The following PHF21B variants were observed in gnomAD, a reference collection of about 807,000 sequenced individuals.
The protein encoded by PHF21B is PHD finger protein 4.
A neutral mutation model predicts 62.2 loss-of-function variants in PHF21B; 22 were observed. That is an observed-to-expected ratio of 0.35 (90% confidence interval 0.25 to 0.51). The LOEUF is 0.51. Among genes scored for constraint, PHF21B ranks in the 20% least tolerant of loss-of-function variants. The pLI, the probability that PHF21B is intolerant of heterozygous loss-of-function variation, is 0.97. For synonymous variants in PHF21B, 341 were observed against 314.7 expected (o/e 1.08, Z -0.88); for missense variants, 701 against 707.9 (o/e 0.99, Z 0.11).
intron 2 of PHF21B, among the ~76,000 whole-genome samples, chr22:44,955,118 A>C (rs1473150846): frequency 6.6e-6 from 1 of 152,184 alleles, no homozygotes; most frequent in Admixed American, 6.5e-5. Flanking sequence ...GTTAAGAAGA[A>C]GTCAGCGGTC....
intron 5 of PHF21B, among the ~76,000 whole-genome samples, chr22:44,909,562 C>T (rs2071309732): frequency 1.3e-5 from 2 of 152,246 alleles, no homozygotes; most frequent in South Asian, 2.1e-4. Flanking sequence ...CATTCTTCTG[C>T]TCAAAGATAT....
chr22:44,999,669 T>A (rs747995347), intron 2 of PHF21B, among the ~76,000 whole-genome samples: 4 of 152,040 alleles, frequency 2.6e-5, no homozygotes, highest in African/African-American at 7.2e-5. Context: ...ATTGGTGCCA[T>A]TACGCTGTCA....
At chr22:44,917,019 C>T (rs760406586) in intron 3 of PHF21B, among the ~76,000 whole-genome samples, 1 of 152,230 alleles carries the variant, frequency 6.6e-6, no homozygotes, top group Non-Finnish European at 1.5e-5. Context: ...GAAAGCGCTG[C>T]CCCTCGGCAG....
chr22:44,896,690 C>T (rs760359706), intron 5 of PHF21B, among the ~76,000 whole-genome samples: 6 of 152,134 alleles, frequency 3.9e-5, no homozygotes, highest in Non-Finnish European at 5.9e-5. Context: ...CCATAAGTTG[C>T]ATCTCTTCTG....
At chr22:44,952,522 G>C (rs1032351285) in intron 2 of PHF21B, among the ~76,000 whole-genome samples, 1 of 152,196 alleles carries the variant, frequency 6.6e-6, no homozygotes, top group Non-Finnish European at 1.5e-5. Flanking sequence ...CGAAGAAAAA[G>C]TCAAGTTCCA....
intron 2 of PHF21B, among the ~76,000 whole-genome samples, chr22:44,996,717 T>C (rs936051834): frequency 3.3e-5 from 5 of 151,238 alleles, no homozygotes; most frequent in African/African-American, 9.7e-5. Flanking sequence ...TGCAGACATA[T>C]ACACATGCAT....
chr22:44,972,212 G>C (rs1374713748), intron 2 of PHF21B, among the ~76,000 whole-genome samples: 1 of 152,244 alleles, frequency 6.6e-6, no homozygotes, highest in African/African-American at 2.4e-5. Flanking sequence ...TCTTACCAGA[G>C]ACATGACTCA....
At chr22:44,978,925 C>G (rs1014474041) in intron 2 of PHF21B, among the ~76,000 whole-genome samples, 3 of 152,226 alleles carry the variant, frequency 2.0e-5, no homozygotes, top group Admixed American at 2.0e-4. Flanking sequence ...CCAGGTGAGG[C>G]AGGCCCACTG....
At chr22:44,885,585 G>T in intron 11 of PHF21B, 56 bp from the exon 12 acceptor site, 1 of 1,498,482 alleles carries the variant, frequency 6.7e-7, no homozygotes. Flanking sequence ...CGGCTGGGTC[G>T]TAGAGTAAAT....
intron 2 of PHF21B, among the ~76,000 whole-genome samples, chr22:44,943,173 G>A (rs1003010126): frequency 2.6e-5 from 4 of 152,084 alleles, no homozygotes; most frequent in Admixed American, 6.5e-5. Context: ...TGTGGCCTTC[G>A]TGCCAGCACC....
At chr22:44,982,026 G>GT (rs2072851433) in intron 2 of PHF21B, among the ~76,000 whole-genome samples, 1 of 152,246 alleles carries the variant, frequency 6.6e-6, no homozygotes, top group Admixed American at 6.5e-5. Context: ...GGCAAATGCG[G>GT]TTTCCCCATC....
chr22:44,952,659 C>T (rs144874000), intron 2 of PHF21B, among the ~76,000 whole-genome samples: 18 of 152,282 alleles, frequency 1.2e-4, no homozygotes, highest in South Asian at 6.2e-4. Flanking sequence ...TTATCCTTTA[C>T]GATACTTTCC....
intron 2 of PHF21B, among the ~76,000 whole-genome samples, chr22:44,930,249 T>C (rs2071713807): frequency 6.6e-6 from 1 of 151,988 alleles, no homozygotes; most frequent in Non-Finnish European, 1.5e-5. Flanking sequence ...CGGCTGCCCC[T>C]GTGGAGGGGA....
chr22:44,936,484 C>T (rs1001340546), intron 2 of PHF21B, among the ~76,000 whole-genome samples: 5 of 152,238 alleles, frequency 3.3e-5, no homozygotes, highest in African/African-American at 4.8e-5. Context: ...GACATCCCAC[C>T]TGGATGCCTC....
chr22:44,973,783 A>G (rs1300261974), intron 2 of PHF21B, among the ~76,000 whole-genome samples: 1 of 152,044 alleles, frequency 6.6e-6, no homozygotes, highest in African/African-American at 2.4e-5. Flanking sequence ...TGGGAGAGGA[A>G]AGTGTGGCTC....
At position 44,897,080 on chromosome 22, in the gene PHF21B, T is replaced by C. The variant is rs140310613; in HGVS notation, c.832-997A>G. ...TTTTTGAAGAGATGGAGTTTTGCCA[T>C]GTTGCCCAGGCTGGTCTTGAACTCC... is the stretch of plus-strand genomic sequence containing the variant. On this transcript the variant is annotated intron_variant, in intron 5 of 12. Coordinates refer to ENST00000313237, the MANE Select transcript of PHF21B (RefSeq NM_138415.5). Among the ~76,000 whole-genome samples the C allele has an allele frequency of 4.8e-4, 73 of 152,132 alleles. 1 individual carries two copies. The East Asian group carries it at 0.013, about 28-fold the overall frequency.
intron 2 of PHF21B, among the ~76,000 whole-genome samples, chr22:44,936,603 A>G (rs1601618067): frequency 6.6e-6 from 1 of 152,344 alleles, no homozygotes; most frequent in South Asian, 2.1e-4. Context: ...AAGACTCATG[A>G]AAAGATATTA....
At chr22:44,927,903 G>A (rs2071664038) in intron 2 of PHF21B, among the ~76,000 whole-genome samples, 1 of 152,076 alleles carries the variant, frequency 6.6e-6, no homozygotes, top group Admixed American at 6.6e-5. Flanking sequence ...GTAAAAAACG[G>A]GCCATAACAG....
chr22:44,925,283 G>T (rs1260569569), intron 2 of PHF21B, among the ~76,000 whole-genome samples: 1 of 152,158 alleles, frequency 6.6e-6, no homozygotes, highest in Non-Finnish European at 1.5e-5. Context: ...AGCTCATTGT[G>T]TATCACTTAT....
Sources: gnomAD v4.1 joint callset for allele counts (sites outside exome capture counted in the v4.1 genomes callset) on GRCh38, gnomAD v4.1.1 for gene constraint, MANE v1.5 for transcripts, NCBI Gene and HGNC (gene_info 2026-07-23, HGNC 2026-07-21) for gene names.